The following LIN28B variants were observed in gnomAD, a reference collection of about 807,000 sequenced individuals.
LIN28B encodes the protein lin-28 RNA binding posttranscriptional regulator B.
LIN28B carries 5 observed loss-of-function variants against 21.9 expected under a neutral mutation model. That is an observed-to-expected ratio of 0.23 (90% confidence interval 0.12 to 0.48). The LOEUF is 0.48. Ranked by LOEUF, LIN28B falls within the 20% of genes least tolerant of loss-of-function variation. LIN28B has a pLI of 0.98. For synonymous variants in LIN28B, 109 were observed against 111.3 expected, an observed-to-expected ratio of 0.98 and a Z score of 0.13; for missense variants, 245 against 310.5, an observed-to-expected ratio of 0.79 and a Z score of 1.58.
At chr6:105,060,630 C>G (rs1305826153) in intron 3 of LIN28B, among the ~76,000 whole-genome samples, 6 of 152,114 alleles carry the variant, frequency 3.9e-5, no homozygotes, top group Admixed American at 3.9e-4. Flanking sequence ...GAGATGACTT[C>G]ATGGGTTTAG....
intron 2 of LIN28B, among the ~76,000 whole-genome samples, chr6:104,995,854 G>A (rs1196358111): frequency 1.3e-5 from 2 of 151,698 alleles, no homozygotes; most frequent in African/African-American, 2.4e-5. Flanking sequence ...AATAGCTAAA[G>A]CCAAACTAAA....
At chr6:105,002,146 A>G (rs940547939) in intron 2 of LIN28B, among the ~76,000 whole-genome samples, 1 of 149,186 alleles carries the variant, frequency 6.7e-6, no homozygotes, top group Non-Finnish European at 1.5e-5. Context: ...CAGGCTGAGC[A>G]CTTGAAGAGA....
In LIN28B at chr6:105,074,834, T is replaced by G. The variant is rs1457392587; in HGVS notation, c.384-3580T>G. 5.3e-5 allele frequency among the ~76,000 whole-genome samples: 8 copies of G among 152,162 alleles called. No homozygotes were observed. In the South Asian group the frequency reaches 1.4e-3, roughly 28 times the overall value. ...AATTCTCCTGCCCCAGCCTCCTGAG[T>G]AGCTGGAACTACAGGTGTGCCCCGC... On this transcript the variant is annotated intron_variant, in intron 3 of 3. Transcript: ENST00000345080.
intron 3 of LIN28B, among the ~76,000 whole-genome samples, chr6:105,065,129 G>A (rs778553779): frequency 1.2e-4 from 18 of 152,088 alleles, no homozygotes; most frequent in Non-Finnish European, 2.5e-4. Context: ...TCACAGCCTC[G>A]AAATGTTCAA....
intron 3 of LIN28B, among the ~76,000 whole-genome samples, chr6:105,039,411 T>C (rs1409500719): frequency 1.3e-5 from 2 of 152,188 alleles, no homozygotes; most frequent in East Asian, 1.9e-4. Flanking sequence ...AGTGAACATA[T>C]TAGAGCTACA....
At chr6:104,991,985 C>CAGAGGGAGACCGTGGAAAGAGGG (rs1770494323) in intron 2 of LIN28B, among the ~76,000 whole-genome samples, 2 of 135,952 alleles carry the variant, frequency 1.5e-5, no homozygotes, top group Admixed American at 8.4e-5. Context: ...GGCTCGGCAT[C>CAGAGGGAGACCGTGGAAAGAGGG]AGAGGGAGAC....
intron 2 of LIN28B, among the ~76,000 whole-genome samples, chr6:104,949,281 TTAAG>T (rs1308527018): frequency 6.6e-6 from 1 of 152,194 alleles, no homozygotes; most frequent in East Asian, 1.9e-4. Flanking sequence ...CTCTGTTTCA[TTAAG>T]TGTCTGTAAT....
chr6:105,068,696 C>T (rs1772268729), intron 3 of LIN28B, among the ~76,000 whole-genome samples: 1 of 152,142 alleles, frequency 6.6e-6, no homozygotes, highest in African/African-American at 2.4e-5. Flanking sequence ...ATACTGAGCA[C>T]CTACCCATAG....
intron 2 of LIN28B, chr6:104,939,395 G>A (rs958004059): frequency 6.6e-6 from 1 of 152,240 alleles, no homozygotes; most frequent in Non-Finnish European, 1.5e-5. Context: ...AAGTTGAGCA[G>A]CCATCCAGGG....
At chr6:105,053,714 C>CGTGTGTGTGTGTGTGTGTGT (rs59369365) in intron 3 of LIN28B, among the ~76,000 whole-genome samples, 7 of 147,274 alleles carry the variant, frequency 4.8e-5, no homozygotes, top group African/African-American at 1.8e-4. Flanking sequence ...TGTGTGGGTG[C>CGTGTGTGTGTGTGTGTGTGT]GTGTGTGTGT....
intron 2 of LIN28B, among the ~76,000 whole-genome samples, chr6:104,967,530 G>A (rs1378504924): frequency 1.6e-5 from 2 of 127,862 alleles, no homozygotes; most frequent in Non-Finnish European, 3.1e-5. Flanking sequence ...GCAGAGAACC[G>A]AGATCATGCC....
intron 3 of LIN28B, among the ~76,000 whole-genome samples, chr6:105,048,016 C>T (rs1446083613): frequency 2.6e-5 from 4 of 152,192 alleles, no homozygotes; most frequent in Admixed American, 6.5e-5. Flanking sequence ...TTATTTCTTT[C>T]TCCTGCCTGA....
At chr6:105,023,210 GAT>G (rs370667791) in intron 2 of LIN28B, among the ~76,000 whole-genome samples, 944 of 68,996 alleles carry the variant, frequency 0.014, 27 homozygotes, top group African/African-American at 0.05. Context: ...GTTTCTTATG[GAT>G]ATATATATAT....
chr6:104,995,982 A>T (rs764481368), intron 2 of LIN28B, among the ~76,000 whole-genome samples: 48 of 150,272 alleles, frequency 3.2e-4, no homozygotes, highest in Non-Finnish European at 4.7e-4. Flanking sequence ...TATATATATA[A>T]AATACACATA....
intron 2 of LIN28B, among the ~76,000 whole-genome samples, chr6:104,960,812 G>A (rs938362884): frequency 1.2e-4 from 18 of 152,072 alleles, no homozygotes; most frequent in Non-Finnish European, 2.5e-4. Flanking sequence ...ATATATATGT[G>A]TGTGTTTTAA....
At chr6:105,061,281 G>C (rs1562110825) in intron 3 of LIN28B, among the ~76,000 whole-genome samples, 1 of 152,046 alleles carries the variant, frequency 6.6e-6, no homozygotes, top group East Asian at 1.9e-4. Context: ...GAAATGCATG[G>C]CATCTGCAAC....
intron 2 of LIN28B, among the ~76,000 whole-genome samples, chr6:104,990,764 C>T (rs1247822711): frequency 1.3e-5 from 2 of 151,998 alleles, no homozygotes; most frequent in East Asian, 1.9e-4. Flanking sequence ...GGTGATGACT[C>T]TTAACGAGCA....
chr6:105,059,891 A>T (rs1005443606), intron 3 of LIN28B, among the ~76,000 whole-genome samples: 8 of 148,256 alleles, frequency 5.4e-5, no homozygotes, highest in Non-Finnish European at 8.9e-5. Context: ...CATTTTCTTT[A>T]TTCTCATGTT....
intron 2 of LIN28B, among the ~76,000 whole-genome samples, chr6:105,018,655 T>C (rs537196049): frequency 3.3e-5 from 5 of 152,326 alleles, no homozygotes; most frequent in African/African-American, 1.2e-4. Context: ...ATTTGTCTTT[T>C]TGAATTCATC....
Sources: allele counts gnomAD v4.1 joint callset (sites outside exome capture counted in the v4.1 genomes callset), GRCh38; gene constraint gnomAD v4.1.1; transcripts MANE v1.5; gene names NCBI Gene and HGNC (gene_info 2026-07-23, HGNC 2026-07-21).